OPCML: variants seen among roughly 807,000 people sequenced by gnomAD.
OPCML encodes opioid binding protein/cell adhesion molecule like.
Under a neutral mutation model 37.8 loss-of-function variants are expected in OPCML, and 13 were observed. That is an observed-to-expected ratio of 0.34 (90% CI 0.22 to 0.55). The LOEUF (loss-of-function observed/expected upper bound fraction) is 0.55, where lower values mean the gene tolerates loss of function less well. Among genes scored for constraint, OPCML ranks in the 20% least tolerant of loss-of-function variants. OPCML has a pLI of 0.91. For synonymous variants in OPCML, 176 were observed against 168.8 expected (o/e 1.04, Z -0.33); for missense variants, 341 against 435.6 (o/e 0.78, Z 1.93).
intron 4 of OPCML, among the ~76,000 whole-genome samples, chr11:132,472,700 T>G (rs368526925): frequency 6.6e-6 from 1 of 152,206 alleles, no homozygotes; most frequent in African/African-American, 2.4e-5. Flanking sequence ...GCAGGAACTG[T>G]GTGGGAGAGT....
At chr11:132,862,438 G>A (rs1264615572) in intron 2 of OPCML, among the ~76,000 whole-genome samples, 1 of 147,884 alleles carries the variant, frequency 6.8e-6, no homozygotes, top group Admixed American at 6.8e-5. Flanking sequence ...GTTAGAGCTG[G>A]ACAGGCTCAT....
At chr11:133,410,975 C>T (rs1945639469) in intron 1 of OPCML, among the ~76,000 whole-genome samples, 1 of 152,186 alleles carries the variant, frequency 6.6e-6, no homozygotes. Flanking sequence ...CCAATACCTC[C>T]CATTGCTTCC....
chr11:132,536,911 G>A (rs988726483), intron 3 of OPCML, among the ~76,000 whole-genome samples: 19 of 152,222 alleles, frequency 1.2e-4, no homozygotes, highest in African/African-American at 4.1e-4. Flanking sequence ...GGCTAGAGCT[G>A]TATGTGCACT....
intron 3 of OPCML, among the ~76,000 whole-genome samples, chr11:132,635,592 C>CAAA (rs67995930): frequency 1.3e-5 from 2 of 150,778 alleles, no homozygotes; most frequent in African/African-American, 2.4e-5. Context: ...GAAATTTGAC[C>CAAA]AAAAAAAAAT....
intron 1 of OPCML, among the ~76,000 whole-genome samples, chr11:133,427,649 A>G (rs1946030768): frequency 1.3e-5 from 2 of 152,162 alleles, no homozygotes; most frequent in Non-Finnish European, 2.9e-5. Context: ...AAAATGCTAC[A>G]TACAATTCCA....
intron 1 of OPCML, among the ~76,000 whole-genome samples, chr11:133,396,827 C>T (rs1945296667): frequency 6.6e-6 from 1 of 152,098 alleles, no homozygotes; most frequent in Non-Finnish European, 1.5e-5. Context: ...TTTATAAAAC[C>T]TTTTCTGATT....
chr11:133,119,965 G>A (rs958236444), intron 1 of OPCML, among the ~76,000 whole-genome samples: 2 of 152,124 alleles, frequency 1.3e-5, no homozygotes, highest in African/African-American at 4.8e-5. Context: ...GAATTGTGTG[G>A]AGTCAAAGGA....
intron 1 of OPCML, among the ~76,000 whole-genome samples, chr11:133,444,243 TAGAG>T (rs1946425654): frequency 6.6e-6 from 1 of 152,228 alleles, no homozygotes; most frequent in Middle Eastern, 3.4e-3. Context: ...TTAATGGCCT[TAGAG>T]AGAGAAACAA....
chr11:132,902,918 A>G (rs892484998), intron 2 of OPCML, among the ~76,000 whole-genome samples: 2 of 151,996 alleles, frequency 1.3e-5, no homozygotes, highest in African/African-American at 4.8e-5. Context: ...TATCTGCATA[A>G]TAAGACAACC....
At chr11:133,293,463 A>G (rs1942538405) in intron 1 of OPCML, among the ~76,000 whole-genome samples, 2 of 152,208 alleles carry the variant, frequency 1.3e-5, no homozygotes, top group African/African-American at 2.4e-5. Flanking sequence ...CCTGATAGGT[A>G]ATTCTTAGAG....
At chr11:133,255,277 T>G (rs1941275010) in intron 1 of OPCML, among the ~76,000 whole-genome samples, 1 of 152,154 alleles carries the variant, frequency 6.6e-6, no homozygotes, top group Non-Finnish European at 1.5e-5. Flanking sequence ...TCCTGCTGTC[T>G]GGAGAGATTT....
At chr11:133,217,768 T>C (rs1231491911) in intron 1 of OPCML, among the ~76,000 whole-genome samples, 1 of 152,210 alleles carries the variant, frequency 6.6e-6, no homozygotes, top group Non-Finnish European at 1.5e-5. Context: ...GAAGTTTTGC[T>C]GAGGCCAGGT....
At chr11:133,039,897 T>C (rs1311262724) in intron 1 of OPCML, among the ~76,000 whole-genome samples, 5 of 151,826 alleles carry the variant, frequency 3.3e-5, no homozygotes, top group Admixed American at 1.3e-4. Context: ...GGTATGGTGG[T>C]GGGCACCTGT....
chr11:133,213,889 G>T (rs1029343802), intron 1 of OPCML, among the ~76,000 whole-genome samples: 1 of 152,116 alleles, frequency 6.6e-6, no homozygotes, highest in Non-Finnish European at 1.5e-5. Flanking sequence ...CTTTAAAACA[G>T]TAGCGTGTCA....
chr11:132,708,067 T>C lies in OPCML; in HGVS notation c.147-50748A>G, dbSNP rs75243663. Reference sequence around the variant, plus strand: ...ACCAAAATTCAACTGTTGAGTTGTGTCATGTTGGAATTTGCCTCATGTTTT... The same window carrying C: ...ACCAAAATTCAACTGTTGAGTTGTGCCATGTTGGAATTTGCCTCATGTTTT... On this transcript the variant is annotated intron_variant, in intron 2 of 7. Coordinates refer to ENST00000524381, the MANE Select transcript of OPCML (RefSeq NM_001012393.5). Among the ~76,000 whole-genome samples the C allele has an allele frequency of 9.1e-3, 1,386 of 152,310 alleles. 23 individuals are homozygous for C. Among genetic ancestry groups the C allele is most frequent in the African/African-American group, 0.031 (1,278 of 41,552 alleles).
At chr11:132,456,386 C>G (rs2096082879) in intron 4 of OPCML, among the ~76,000 whole-genome samples, 1 of 152,112 alleles carries the variant, frequency 6.6e-6, no homozygotes, top group Non-Finnish European at 1.5e-5. Context: ...AGAGGTCACA[C>G]CGGGCAGGAA....
intron 2 of OPCML, among the ~76,000 whole-genome samples, chr11:132,858,822 G>A (rs1302520513): frequency 6.6e-6 from 1 of 152,160 alleles, no homozygotes; most frequent in Non-Finnish European, 1.5e-5. Flanking sequence ...CTAATTCAAT[G>A]GGTCCTTGTG....
At chr11:132,564,733 G>A (rs2096418477) in intron 3 of OPCML, among the ~76,000 whole-genome samples, 3 of 152,188 alleles carry the variant, frequency 2.0e-5, no homozygotes, top group Middle Eastern at 3.4e-3. Flanking sequence ...TAAAAAAAAA[G>A]CAGCAATTCT....
chr11:133,137,494 T>C (rs1949709408), intron 1 of OPCML, among the ~76,000 whole-genome samples: 1 of 152,222 alleles, frequency 6.6e-6, no homozygotes, highest in Non-Finnish European at 1.5e-5. Context: ...ACAGAAGGAA[T>C]GTCAAGGAGT....
Sources: allele counts gnomAD v4.1 joint callset (sites outside exome capture counted in the v4.1 genomes callset), GRCh38; gene constraint gnomAD v4.1.1; transcripts MANE v1.5; gene names NCBI Gene and HGNC (gene_info 2026-07-23, HGNC 2026-07-21).